Variants in CARMIL1 observed in about 807,000 individuals in gnomAD.
The protein encoded by CARMIL1 is F-actin-uncapping protein LRRC16A.
A neutral mutation model predicts 177.1 loss-of-function variants in CARMIL1; 90 were observed. The ratio of observed to expected loss-of-function variants is 0.51; its 90% confidence interval spans 0.43 to 0.61. The LOEUF (loss-of-function observed/expected upper bound fraction) is 0.61. Among genes scored for constraint, CARMIL1 ranks in the 20% least tolerant of loss-of-function variants. The probability of loss-of-function intolerance (pLI) is 0.00; values close to 1 mark genes in which losing one functional copy is unlikely to be tolerated. For synonymous variants in CARMIL1, 577 were observed against 606.2 expected, an observed-to-expected ratio of 0.95 and a Z score of 0.71; for missense variants, 1,380 against 1,667.0, an observed-to-expected ratio of 0.83 and a Z score of 3.00.
At chr6:25,478,756 T>C (rs1385961275) in intron 11 of CARMIL1, among the ~76,000 whole-genome samples, 1 of 151,352 alleles carries the variant, frequency 6.6e-6, no homozygotes, top group Non-Finnish European at 1.5e-5. Flanking sequence ...AGATCGCGCC[T>C]CTGCACTCCA....
chr6:25,282,560 C>G (rs1781219574), intron 1 of CARMIL1, among the ~76,000 whole-genome samples: 1 of 152,090 alleles, frequency 6.6e-6, no homozygotes, highest in African/African-American at 2.4e-5. Flanking sequence ...GCGGTATTTC[C>G]AAGAAGAAAA....
At chr6:25,419,635 T>C (rs7757294) in intron 2 of CARMIL1, among the ~76,000 whole-genome samples, 52,780 of 152,072 alleles carry the variant, frequency 0.35, 9,582 homozygotes, top group East Asian at 0.53. Context: ...AGCCTGATTT[T>C]GCTCTGTGCA....
At chr6:25,307,334 C>T (rs911471533) in intron 2 of CARMIL1, among the ~76,000 whole-genome samples, 5 of 152,106 alleles carry the variant, frequency 3.3e-5, no homozygotes, top group African/African-American at 9.7e-5. Context: ...ACTTATTATT[C>T]GTGTTTCCTG....
intron 32 of CARMIL1, among the ~76,000 whole-genome samples, chr6:25,595,917 A>G (rs990845874): frequency 3.9e-5 from 6 of 152,196 alleles, no homozygotes; most frequent in Admixed American, 2.6e-4. Context: ...GCAGCCCATA[A>G]TATATAGTCT....
At chr6:25,488,877 C>T (rs1802925976) in intron 13 of CARMIL1, among the ~76,000 whole-genome samples, 1 of 151,932 alleles carries the variant, frequency 6.6e-6, no homozygotes, top group Non-Finnish European at 1.5e-5. Flanking sequence ...AAAACATTAG[C>T]TTACAGGGAC....
chr6:25,547,062 T>C (rs1216295189), intron 26 of CARMIL1, among the ~76,000 whole-genome samples: 1 of 151,982 alleles, frequency 6.6e-6, no homozygotes, highest in African/African-American at 2.4e-5. Flanking sequence ...CATCTCAGAA[T>C]ATTAATAATA....
chr6:25,526,076 G>T (rs1220073766), intron 23 of CARMIL1, among the ~76,000 whole-genome samples: 1 of 151,794 alleles, frequency 6.6e-6, no homozygotes, highest in African/African-American at 2.4e-5. Flanking sequence ...TTGGGAGGCC[G>T]AGGCGGGCGG....
At chr6:25,544,429 A>G (rs1044433807) in intron 26 of CARMIL1, among the ~76,000 whole-genome samples, 2 of 152,116 alleles carry the variant, frequency 1.3e-5, no homozygotes. Context: ...ATTAACACTG[A>G]CAGCTCACTT....
chr6:25,309,635 G>A (rs6914514), intron 2 of CARMIL1, among the ~76,000 whole-genome samples: 31,598 of 151,880 alleles, frequency 0.21, 4,236 homozygotes, highest in East Asian at 0.4. Flanking sequence ...TATATAATAT[G>A]TGGCCTTCAT....
At chr6:25,309,758 T>C (rs1008968550) in intron 2 of CARMIL1, among the ~76,000 whole-genome samples, 50 of 141,184 alleles carry the variant, frequency 3.5e-4, no homozygotes, top group Non-Finnish European at 5.7e-4. Flanking sequence ...TGTATGAATA[T>C]ACCACATCTT....
rs760218120 is a variant in CARMIL1, at chr6:25,491,991, T to G, written c.1187T>G (p.Val396Gly). 6 of 1,613,816 alleles carry G rather than the reference T, an allele frequency of 3.7e-6. No homozygotes were observed. The Admixed American group carries it at 8.3e-5, about 22-fold the overall frequency. ...CGTGGATGCCTTCAATATTTAGCTG[T>G]GCTCAACCTCTCCAGAACTGTCTTC... Reference protein sequence around the residue: ...LLRGCLQYLAVLNLSRTVFSH... With the variant: ...LLRGCLQYLAGLNLSRTVFSH... Residue 396 changes from valine (V) to glycine (G), a missense_variant, in exon 15 of 37, where the codon GTG becomes GGG. Coordinates refer to ENST00000329474, the MANE Select transcript of CARMIL1 (RefSeq NM_017640.6).
At chr6:25,601,258 T>C (rs1289020852) in intron 33 of CARMIL1, among the ~76,000 whole-genome samples, 1 of 152,246 alleles carries the variant, frequency 6.6e-6, no homozygotes, top group Non-Finnish European at 1.5e-5. Flanking sequence ...GTTCTCACTT[T>C]GGCCTGAGGG....
intron 24 of CARMIL1, among the ~76,000 whole-genome samples, chr6:25,529,254 A>T (rs1459626024): frequency 6.6e-6 from 1 of 152,140 alleles, no homozygotes; most frequent in Non-Finnish European, 1.5e-5. Flanking sequence ...TAGAATACAG[A>T]TTCCCAGATT....
chr6:25,281,114 ACGCACGCGCGTGTG>A (rs763110369), intron 1 of CARMIL1, among the ~76,000 whole-genome samples: 3 of 122,212 alleles, frequency 2.5e-5, no homozygotes, highest in East Asian at 6.0e-4. Flanking sequence ...TTATTCACAG[ACGCACGCGCGTGTG>A]CGCGCGCGCA....
intron 2 of CARMIL1, among the ~76,000 whole-genome samples, chr6:25,315,587 G>A (rs1203194576): frequency 6.6e-6 from 1 of 151,552 alleles, no homozygotes; most frequent in East Asian, 1.9e-4. Context: ...TTGTTTTTTT[G>A]TGTTTCCTTC....
intron 2 of CARMIL1, among the ~76,000 whole-genome samples, chr6:25,310,784 A>C (rs576272976): frequency 5.3e-5 from 8 of 152,344 alleles, no homozygotes; most frequent in African/African-American, 1.9e-4. Context: ...CATTTATTCA[A>C]CAAATATTAA....
At chr6:25,294,763 T>A (rs775851023) in intron 2 of CARMIL1, among the ~76,000 whole-genome samples, 2 of 152,260 alleles carry the variant, frequency 1.3e-5, no homozygotes, top group Non-Finnish European at 2.9e-5. Context: ...TTCAGACTTA[T>A]CACTATTCTG....
At chr6:25,458,434 C>T (rs1799722563) in intron 8 of CARMIL1, among the ~76,000 whole-genome samples, 1 of 134,098 alleles carries the variant, frequency 7.5e-6, no homozygotes, top group South Asian at 2.4e-4. Context: ...TTGCAGTGAG[C>T]TGAGATCCAC....
At chr6:25,282,804 C>T (rs1270744033) in intron 1 of CARMIL1, among the ~76,000 whole-genome samples, 1 of 152,168 alleles carries the variant, frequency 6.6e-6, no homozygotes, top group Non-Finnish European at 1.5e-5. Flanking sequence ...TTGCGTGCTT[C>T]CGAATCCATG....
Sources: allele counts gnomAD v4.1 joint callset (sites outside exome capture counted in the v4.1 genomes callset), GRCh38; gene constraint gnomAD v4.1.1; transcripts MANE v1.5; gene names NCBI Gene and HGNC (gene_info 2026-07-23, HGNC 2026-07-21).